MYO1D: variants seen among roughly 807,000 people sequenced by gnomAD.
The protein encoded by MYO1D is myosin ID, also known as unconventional myosin-Id.
In MYO1D, 83 loss-of-function variants were observed where a neutral mutation model predicts 122.0. That is an observed-to-expected ratio of 0.68 (90% CI 0.57 to 0.82). The LOEUF (loss-of-function observed/expected upper bound fraction) is 0.82, where lower values mean the gene tolerates loss of function less well. MYO1D is among the 40% of genes least tolerant of loss of function. MYO1D has a pLI of 0.00. For synonymous variants in MYO1D, 464 were observed against 446.9 expected, an observed-to-expected ratio of 1.04 and a Z score of -0.48; for missense variants, 1,157 against 1,269.5, an observed-to-expected ratio of 0.91 and a Z score of 1.35.
At chr17:32,538,469 ATT>A (rs61287547) in intron 21 of MYO1D, among the ~76,000 whole-genome samples, 174 of 113,594 alleles carry the variant, frequency 1.5e-3, no homozygotes, top group African/African-American at 4.4e-3. Context: ...TATTATTATT[ATT>A]TTTTTTTTTG....
intron 8 of MYO1D, 122 bp downstream of exon 8, chr17:32,764,756 T>C: frequency 9.7e-7 from 1 of 1,027,106 alleles, no homozygotes; most frequent in Non-Finnish European, 1.5e-6. Context: ...CCAGAAAGTA[T>C]CATTATGGTT....
chr17:32,658,161 G>T (rs2088503666), intron 17 of MYO1D, among the ~76,000 whole-genome samples: 1 of 151,824 alleles, frequency 6.6e-6, no homozygotes. Flanking sequence ...AAGCATATGA[G>T]ATATATATTA....
intron 21 of MYO1D, among the ~76,000 whole-genome samples, chr17:32,515,382 C>T (rs934255870): frequency 6.6e-6 from 1 of 152,200 alleles, no homozygotes; most frequent in Non-Finnish European, 1.5e-5. Context: ...CAGTCTTCAC[C>T]TCCTGGTGAA....
At chr17:32,720,692 A>C (rs1272021972) in intron 15 of MYO1D, among the ~76,000 whole-genome samples, 6 of 152,190 alleles carry the variant, frequency 3.9e-5, no homozygotes, top group Non-Finnish European at 8.8e-5. Flanking sequence ...ACAGGGTCAT[A>C]GAAGTTAAAT....
intron 1 of MYO1D, among the ~76,000 whole-genome samples, chr17:32,803,776 G>A (rs996129283): frequency 1.3e-5 from 2 of 152,192 alleles, no homozygotes; most frequent in African/African-American, 4.8e-5. Flanking sequence ...TTGCTGGCAA[G>A]GATTGATTCC....
chr17:32,805,057 G>A (rs1295559407), intron 1 of MYO1D, among the ~76,000 whole-genome samples: 1 of 152,140 alleles, frequency 6.6e-6, no homozygotes, highest in African/African-American at 2.4e-5. Flanking sequence ...TAGATTATAA[G>A]GGTTCTACCC....
At chr17:32,611,787 C>T (rs867675724) in intron 20 of MYO1D, among the ~76,000 whole-genome samples, 4 of 152,172 alleles carry the variant, frequency 2.6e-5, no homozygotes, top group South Asian at 2.1e-4. Context: ...TGCAGTGAGC[C>T]GAGATCATGC....
chr17:32,656,139 C>T (rs1468661548), intron 17 of MYO1D, among the ~76,000 whole-genome samples: 1 of 152,168 alleles, frequency 6.6e-6, no homozygotes, highest in Non-Finnish European at 1.5e-5. Context: ...GCCACAGGAG[C>T]TTGAAGTACG....
intron 16 of MYO1D, among the ~76,000 whole-genome samples, chr17:32,683,357 G>GT (rs1178872429): frequency 3.3e-5 from 5 of 152,134 alleles, no homozygotes; most frequent in Admixed American, 6.5e-5. Flanking sequence ...TTTCTGTTCT[G>GT]TTTTTTCCCC....
Position 32,732,364 on chromosome 17 carries a change from G to A in MYO1D, c.1746+5889C>T, listed in dbSNP as rs554314388. 1.3e-4 allele frequency among the ~76,000 whole-genome samples: 20 copies of A among 152,248 alleles called. No homozygotes were observed. The East Asian group carries it at 1.4e-3, about 10-fold the overall frequency. ...CAGGCCTGCCTATGGACCAATCAGC[G>A]CACACTTCCCCTCCTCTGAAGCCCA... On this transcript the variant is annotated intron_variant, in intron 14 of 21. Coordinates refer to ENST00000318217, the MANE Select transcript of MYO1D (RefSeq NM_015194.3).
chr17:32,590,406 C>T (rs1405697694), intron 21 of MYO1D, among the ~76,000 whole-genome samples: 1 of 152,162 alleles, frequency 6.6e-6, no homozygotes, highest in Non-Finnish European at 1.5e-5. Flanking sequence ...CTGGTTTATC[C>T]CCTGTGTTTC....
chr17:32,602,183 T>C (rs2087569972), intron 21 of MYO1D, among the ~76,000 whole-genome samples: 1 of 152,228 alleles, frequency 6.6e-6, no homozygotes, highest in Non-Finnish European at 1.5e-5. Flanking sequence ...CTTATAAACA[T>C]CTGAAATCTA....
chr17:32,858,843 T>C (rs764463447), intron 1 of MYO1D, among the ~76,000 whole-genome samples: 1 of 152,256 alleles, frequency 6.6e-6, no homozygotes, highest in Non-Finnish European at 1.5e-5. Context: ...CGATTTCATT[T>C]TGATGATTAA....
chr17:32,849,973 G>C lies in MYO1D; in HGVS notation c.95+26805C>G, dbSNP rs1365420892. On this transcript the variant is annotated intron_variant, in intron 1 of 21. Transcript: ENST00000318217. ...CACAAATTACATGTCTAACCCTTGA[G>C]CTTCTTTTAGAAACTCTCCTCACTA... Among the ~76,000 whole-genome samples, 4 of 152,156 alleles carry C rather than the reference G, an allele frequency of 2.6e-5. No homozygotes were observed. In the East Asian group the frequency reaches 7.7e-4, roughly 29 times the overall value.
chr17:32,682,958 T>G (rs568710184), intron 16 of MYO1D, among the ~76,000 whole-genome samples: 2,800 of 100,876 alleles, frequency 0.028, 215 homozygotes, highest in African/African-American at 0.13. Flanking sequence ...CTTTTTATTC[T>G]TTTTTCTCTA....
chr17:32,868,227 T>G (rs1003655371), intron 1 of MYO1D, among the ~76,000 whole-genome samples: 1 of 152,214 alleles, frequency 6.6e-6, no homozygotes, highest in African/African-American at 2.4e-5. Context: ...GGGTACCCAC[T>G]GAGTATCTAC....
intron 1 of MYO1D, among the ~76,000 whole-genome samples, chr17:32,875,093 GA>G (rs2091217095): frequency 6.6e-6 from 1 of 152,202 alleles, no homozygotes; most frequent in Non-Finnish European, 1.5e-5. Flanking sequence ...AGGTTAAAAT[GA>G]AAGGCTTCAT....
chr17:32,748,880 T>C, intron 12 of MYO1D, 56 bp downstream of exon 12: 1 of 1,474,776 alleles, frequency 6.8e-7, no homozygotes, highest in Non-Finnish European at 9.4e-7. Context: ...CCTGGTTGTA[T>C]TTTCTAAAGT....
chr17:32,531,124 A>G (rs1910496940), intron 21 of MYO1D: 1 of 152,370 alleles, frequency 6.6e-6, no homozygotes, highest in South Asian at 2.1e-4. Flanking sequence ...CCTCTCCTCC[A>G]TGCCTTGGCC....
Sources: gnomAD v4.1 joint callset for allele counts (sites outside exome capture counted in the v4.1 genomes callset) on GRCh38, gnomAD v4.1.1 for gene constraint, MANE v1.5 for transcripts, NCBI Gene and HGNC (gene_info 2026-07-23, HGNC 2026-07-21) for gene names.